Variants in KCNAB2 observed in about 807,000 individuals in gnomAD.
The protein encoded by KCNAB2 is voltage-gated potassium channel subunit beta-2.
In KCNAB2, 29 loss-of-function variants were observed where a neutral mutation model predicts 63.6. The observed-to-expected ratio is 0.46, with a 90% confidence interval of 0.34 to 0.62. The LOEUF (loss-of-function observed/expected upper bound fraction) is 0.62, where lower values mean the gene tolerates loss of function less well. KCNAB2 is among the 20% of genes least tolerant of loss of function. KCNAB2 has a pLI of 0.01. For missense variants in KCNAB2, 359 were observed against 563.9 expected, an observed-to-expected ratio of 0.64 and a Z score of 3.68; for synonymous variants, 222 against 224.2, an observed-to-expected ratio of 0.99 and a Z score of 0.09.
intron 1 of KCNAB2, among the ~76,000 whole-genome samples, chr1:6,027,905 T>A (rs1044899904): frequency 6.6e-6 from 1 of 152,240 alleles, no homozygotes; most frequent in Non-Finnish European, 1.5e-5. Context: ...GAATCCTGAC[T>A]GGGATCTCCA....
upstream of KCNAB2, among the ~76,000 whole-genome samples, chr1:6,031,321 G>A (rs1659610256): frequency 6.6e-6 from 1 of 152,182 alleles, no homozygotes; most frequent in Non-Finnish European, 1.5e-5. The surrounding 1 kb of genome is among the most constrained non-coding windows in gnomAD (Gnocchi z 4.1). Flanking sequence ...TGAGGTTGAA[G>A]GAATCAGAGA....
At chr1:6,045,297 G>C (rs1311854029), upstream of KCNAB2, among the ~76,000 whole-genome samples, 1 of 152,172 alleles carries the variant, frequency 6.6e-6, no homozygotes, top group Admixed American at 6.5e-5. The surrounding 1 kb of genome is among the most constrained non-coding windows in gnomAD (Gnocchi z 4.8). Flanking sequence ...ATGTCACGCT[G>C]GGACTTTGCT....
chr1:6,089,022 G>A lies in KCNAB2; in HGVS notation c.485G>A (p.Arg162Gln), dbSNP rs1664951434. ...IFWGGKAETE[R>Q]GLSRKHIIEG... ...CTGTTTTCCAGGGCGGAGACGGAGC[G>A]GGGCCTGTCCAGGAAGCACATAATC... Residue 162 changes from arginine to glutamine, a missense_variant, in exon 8 of 16, where the codon CGG becomes CAG. By Grantham distance (43) the Arg-to-Gln change is conservative. This residue lies in a region of KCNAB2 where 271 missense variants were observed against 476.1 expected (regional missense o/e 0.57). Coordinates refer to ENST00000378083, the MANE Select transcript of KCNAB2 (RefSeq NM_001199862.2). 4 of 1,548,818 alleles carry A rather than the reference G, an allele frequency of 2.6e-6. No individual in the cohort carries two copies. The highest frequency in any genetic ancestry group is 3.5e-6 in the Non-Finnish European group (4 of 1,145,988).
chr1:6,035,804 G>A lies in KCNAB2; in HGVS notation c.-53+1010G>A, dbSNP rs1324434459. 2.0e-5 allele frequency: 3 copies of A among 152,512 alleles called. No homozygotes were observed. Among genetic ancestry groups the A allele is most frequent in the South Asian group, 2.1e-4 (1 of 4,844 alleles). The allele number at this position is 152,512 out of a possible 1,614,324, so 9.4% of individuals were successfully genotyped here. On this transcript the variant is annotated intron_variant, in intron 1 of 15. Coordinates refer to the KCNAB2 transcript ENST00000164247. This position sits in a 1 kb window ranked among gnomAD's most constrained non-coding sequence, Gnocchi z 5.0. Reference sequence around the variant, plus strand: ...GCATGGGGACGGGGTTCAGAGCCACGAGATGGGTGGAAATCTGAGGGGCTT... The same window carrying A: ...GCATGGGGACGGGGTTCAGAGCCACAAGATGGGTGGAAATCTGAGGGGCTT...
At position 6,071,193 on chromosome 1, in the gene KCNAB2, G is replaced by A. The variant is rs749013745; in HGVS notation, c.219-1562G>A. Among the ~76,000 whole-genome samples, 60 of 152,264 alleles carry A rather than the reference G, an allele frequency of 3.9e-4. No homozygotes were observed. The highest frequency in any genetic ancestry group is 2.9e-4 in the Non-Finnish European group (20 of 68,016). Reference sequence around the variant, plus strand: ...GCTTGAGCCCCATGCCGCCTTCCCAGGGGCCAGGCTTGGACAGGAAAGAGG... The same window carrying A: ...GCTTGAGCCCCATGCCGCCTTCCCAAGGGCCAGGCTTGGACAGGAAAGAGG... On this transcript the variant is annotated intron_variant, in intron 2 of 15. Coordinates refer to ENST00000378083, the MANE Select transcript of KCNAB2 (RefSeq NM_001199862.2). This position sits in a 1 kb window ranked among gnomAD's most constrained non-coding sequence, Gnocchi z 8.5.
Position 6,087,416 on chromosome 1 carries a change from C to G in KCNAB2, c.426-51C>G, listed in dbSNP as rs371448757. 1.3e-6 allele frequency: 2 copies of G among 1,587,876 alleles called. No homozygotes were observed. Among genetic ancestry groups the G allele is most frequent in the African/African-American group, 1.3e-5 (1 of 74,500 alleles). Reference sequence around the variant, plus strand: ...TGAGGACGTCGGGGATGAAGGAGGACCCCCCAGGGGCCGGGCTTATCACAC... The same window carrying G: ...TGAGGACGTCGGGGATGAAGGAGGAGCCCCCAGGGGCCGGGCTTATCACAC... On this transcript the variant is annotated intron_variant, in intron 6 of 15. Coordinates refer to ENST00000378083, the MANE Select transcript of KCNAB2 (RefSeq NM_001199862.2). The surrounding 1 kb of genome is among the most constrained non-coding windows in gnomAD (Gnocchi z 6.4).
At chr1:6,029,447 G>A (rs576879838), upstream of KCNAB2, among the ~76,000 whole-genome samples, 2 of 152,262 alleles carry the variant, frequency 1.3e-5, no homozygotes, top group Middle Eastern at 3.4e-3. Context: ...AGGATGCACC[G>A]TACAAGAGCA....
intron 1 of KCNAB2, among the ~76,000 whole-genome samples, chr1:5,995,484 C>T (rs1249348412): frequency 5.3e-5 from 8 of 152,242 alleles, no homozygotes; most frequent in Admixed American, 2.0e-4. Flanking sequence ...CATTCATGGG[C>T]GCAGCCAGTG....
At chr1:6,018,696 C>A (rs1274059389) in intron 1 of KCNAB2, 3 of 152,250 alleles carry the variant, frequency 2.0e-5, no homozygotes, top group African/African-American at 4.8e-5. Context: ...TCCCTCCCTA[C>A]CCTGTGTGGA....
intron 1 of KCNAB2, among the ~76,000 whole-genome samples, chr1:6,022,010 T>C (rs538923394): frequency 1.3e-5 from 2 of 151,948 alleles, no homozygotes; most frequent in East Asian, 3.9e-4. Context: ...AGTTCGGTGG[T>C]ATTGAGTGTA....
At chr1:6,084,344 A>C (rs1362433467) in intron 5 of KCNAB2, among the ~76,000 whole-genome samples, 3 of 152,038 alleles carry the variant, frequency 2.0e-5, no homozygotes. Flanking sequence ...CTAGCATCTG[A>C]CTCTGCCGTT....
In KCNAB2 at chr1:6,009,563, T is replaced by G. The variant is rs556214303; in HGVS notation, c.-53+16775T>G. Among the ~76,000 whole-genome samples the G allele has an allele frequency of 1.8e-3, 274 of 152,338 alleles. 1 individual carries two copies. The highest frequency in any genetic ancestry group is 3.4e-3 in the Non-Finnish European group (234 of 68,010). On this transcript the variant is annotated intron_variant, in intron 1 of 16. Coordinates refer to the KCNAB2 transcript ENST00000341524. The stretch of plus-strand genomic sequence containing the variant: ...CCCTGGCTTCTCTTGATCAACTTCC[T>G]GTAATGGGAGGAACTCTGACACACT...
chr1:6,088,936 T>C, intron 7 of KCNAB2, 72 bp from the exon 8 acceptor site: 1 of 1,419,638 alleles, frequency 7.0e-7, no homozygotes, highest in South Asian at 1.2e-5. Flanking sequence ...CATTGCATCG[T>C]AAACGTTTTT....
At chr1:6,046,996 CT>C (rs1244771602) in intron 1 of KCNAB2, among the ~76,000 whole-genome samples, 22 of 152,158 alleles carry the variant, frequency 1.4e-4, no homozygotes. Flanking sequence ...CCCTGGGCCC[CT>C]GATCTACAGG....
In KCNAB2 at chr1:6,037,837, A is replaced by G. The variant is rs550496034; in HGVS notation, c.-52-2680A>G. On this transcript the variant is annotated intron_variant, in intron 1 of 15. Coordinates refer to the KCNAB2 transcript ENST00000164247. ...TGGCCTCCCAAAGTTCTGGGATTAC[A>G]GGCATGATCCATCGTGCCTGGCCTG... Among the ~76,000 whole-genome samples, 174 of 150,178 alleles carry G rather than the reference A, an allele frequency of 1.2e-3. 1 individual carries two copies. The highest frequency in any genetic ancestry group is 4.0e-3 in the African/African-American group (165 of 40,832).
intron 2 of KCNAB2, among the ~76,000 whole-genome samples, chr1:6,061,134 G>A (rs1036601864): frequency 6.6e-5 from 10 of 152,208 alleles, no homozygotes; most frequent in African/African-American, 2.4e-4. Flanking sequence ...TGCTGTCTGT[G>A]GTGCACTCCA....
chr1:6,065,634 C>CTCCAGTCCAA (rs1662679225), intron 2 of KCNAB2, among the ~76,000 whole-genome samples: 1 of 152,140 alleles, frequency 6.6e-6, no homozygotes, highest in African/African-American at 2.4e-5. Flanking sequence ...CCAAGGAAGG[C>CTCCAGTCCAA]GGGTGTGCTC....
chr1:6,100,657 A>G lies in KCNAB2; in HGVS notation c.*2083A>G, dbSNP rs1346343739. The G allele has an allele frequency of 6.6e-6, 1 of 152,328 alleles. No homozygotes were observed. Among genetic ancestry groups the G allele is most frequent in the African/African-American group, 2.4e-5 (1 of 41,462 alleles). 9.4% of individuals were successfully genotyped at this position (152,328 alleles called of 1,614,324 possible). ...GCCCCCAAAGGCTGCGGGTTTGCCAAACACAGAGAGGCCAGGCCCCAGTGT... is the reference window on the plus strand; with the variant it reads ...GCCCCCAAAGGCTGCGGGTTTGCCAGACACAGAGAGGCCAGGCCCCAGTGT... On this transcript the variant is annotated 3_prime_UTR_variant, in exon 16 of 16. Transcript: ENST00000378083.
intron 1 of KCNAB2, among the ~76,000 whole-genome samples, chr1:6,000,001 G>C (rs766284424): frequency 6.6e-6 from 1 of 150,634 alleles, no homozygotes; most frequent in African/African-American, 2.5e-5. Context: ...TCTGCTGTCT[G>C]CACCCTCTCT....
Sources: gnomAD v4.1 joint callset for allele counts (sites outside exome capture counted in the v4.1 genomes callset) on GRCh38, gnomAD v4.1.1 for gene constraint, gnomAD v4.1.1 regional missense constraint, Gnocchi (gnomAD v3.1) non-coding constraint, MANE v1.5 for transcripts, NCBI Gene and HGNC (gene_info 2026-07-23, HGNC 2026-07-21) for gene names.